The following RBM47 variants were observed in gnomAD, a reference collection of about 807,000 sequenced individuals.
The protein encoded by RBM47 is RNA-binding protein 47.
In RBM47, 21 loss-of-function variants were observed where a neutral mutation model predicts 47.1. That is an observed-to-expected ratio of 0.45 (90% CI 0.32 to 0.64). The LOEUF (loss-of-function observed/expected upper bound fraction) is 0.64, where lower values mean the gene tolerates loss of function less well. Ranked by LOEUF, RBM47 falls within the 30% of genes least tolerant of loss-of-function variation. RBM47 has a pLI of 0.05. For missense variants in RBM47, 708 were observed against 870.9 expected, an observed-to-expected ratio of 0.81 and a Z score of 2.35; for synonymous variants, 375 against 361.7, an observed-to-expected ratio of 1.04 and a Z score of -0.42.
chr4:40,594,356 CA>C (rs1734562568), intron 1 of RBM47, among the ~76,000 whole-genome samples: 1 of 152,148 alleles, frequency 6.6e-6, no homozygotes. Context: ...ACTGAGATAG[CA>C]AATCTGCAAG....
Position 40,438,671 on chromosome 4 carries a change from C to T in RBM47, c.223G>A (p.Val75Met), listed in dbSNP as rs745494783. The change falls in exon 4 of 7, where the codon GTG (valine) becomes ATG (methionine). Residue 75 changes from valine (V) to methionine (M), a missense_variant. Val to Met is a conservative substitution (Grantham distance 21). Coordinates refer to ENST00000295971, the MANE Select transcript of RBM47 (RefSeq NM_001098634.2). ...TACACGTCGCGCGGGATCTTGCCCA[C>T]GAAGACCTCGCAGCCACGCTGCGGG... ...PHPQRGCEVF[V>M]GKIPRDVYED... 2 of 1,612,104 alleles carry T rather than the reference C, an allele frequency of 1.2e-6. No individual in the cohort carries two copies. Among genetic ancestry groups the T allele is most frequent in the Admixed American group, 1.7e-5 (1 of 59,946 alleles).
chr4:40,602,645 T>TAAA (rs535210913), intron 1 of RBM47, among the ~76,000 whole-genome samples: 5 of 122,834 alleles, frequency 4.1e-5, no homozygotes, highest in African/African-American at 1.2e-4. Flanking sequence ...AGAATCCGTT[T>TAAA]AAAAAAAAAA....
chr4:40,585,369 G>A (rs1051401797), intron 1 of RBM47, among the ~76,000 whole-genome samples: 3 of 152,150 alleles, frequency 2.0e-5, no homozygotes, highest in East Asian at 3.9e-4. Flanking sequence ...CCATTTCAGA[G>A]CCCCAGAACA....
intron 1 of RBM47, among the ~76,000 whole-genome samples, chr4:40,624,897 G>A (rs1162550408): frequency 6.9e-4 from 8 of 11,586 alleles, no homozygotes; most frequent in Non-Finnish European, 1.4e-3. Context: ...TGTTGCCCAG[G>A]CTGGAGTGCA....
chr4:40,428,123 T>C (rs868243698), intron 6 of RBM47, among the ~76,000 whole-genome samples: 7 of 152,126 alleles, frequency 4.6e-5, no homozygotes, highest in Admixed American at 6.6e-5. Flanking sequence ...AGCCTGGGAA[T>C]TCAAAGCTGC....
intron 2 of RBM47, chr4:40,542,465 T>C (rs1033569702): frequency 1.3e-5 from 2 of 152,318 alleles, no homozygotes; most frequent in Non-Finnish European, 2.9e-5. Flanking sequence ...ACCTTCCCAA[T>C]AGTCACCTCC....
chr4:40,532,000 CTTTTT>C (rs914974086), intron 2 of RBM47, among the ~76,000 whole-genome samples: 1 of 146,800 alleles, frequency 6.8e-6, no homozygotes, highest in African/African-American at 2.5e-5. Flanking sequence ...CAATCTCTCT[CTTTTT>C]TTTTTATCTT....
chr4:40,599,650 C>T (rs1387495291), intron 1 of RBM47, among the ~76,000 whole-genome samples: 2 of 151,884 alleles, frequency 1.3e-5, no homozygotes, highest in East Asian at 3.9e-4. Flanking sequence ...TATGGAGAGG[C>T]CCTGAAACGT....
At chr4:40,456,147 T>G (rs1242107014) in intron 3 of RBM47, among the ~76,000 whole-genome samples, 1 of 152,234 alleles carries the variant, frequency 6.6e-6, no homozygotes, top group Non-Finnish European at 1.5e-5. Context: ...TACTTTGTAT[T>G]CCTGCACGGG....
intron 3 of RBM47, among the ~76,000 whole-genome samples, chr4:40,442,817 G>A (rs1713860943): frequency 6.6e-6 from 1 of 152,080 alleles, no homozygotes; most frequent in South Asian, 2.1e-4. Flanking sequence ...GGGACTACAG[G>A]CGCACACCAC....
intron 1 of RBM47, among the ~76,000 whole-genome samples, chr4:40,562,109 T>G (rs569500643): frequency 1.3e-5 from 2 of 152,258 alleles, no homozygotes; most frequent in African/African-American, 4.8e-5. Flanking sequence ...TACCCCCAAG[T>G]GATAATCTGC....
chr4:40,507,206 C>G (rs1724223401), intron 2 of RBM47, among the ~76,000 whole-genome samples: 2 of 152,096 alleles, frequency 1.3e-5, no homozygotes, highest in African/African-American at 2.4e-5. Flanking sequence ...ATCTGCCAGT[C>G]TCCGCCTTCC....
At chr4:40,630,642 C>G (rs1433384109), upstream of RBM47, 4 of 152,154 alleles carry the variant, frequency 2.6e-5, no homozygotes, top group Admixed American at 2.6e-4. Context: ...AACAAAAAAA[C>G]ACTGCATTTA....
At chr4:40,608,926 G>A (rs1027609293) in intron 1 of RBM47, among the ~76,000 whole-genome samples, 2 of 152,254 alleles carry the variant, frequency 1.3e-5, no homozygotes, top group African/African-American at 2.4e-5. Flanking sequence ...TTGGAAAAAC[G>A]AGATGACACG....
chr4:40,579,133 A>G (rs1732622443), intron 1 of RBM47, among the ~76,000 whole-genome samples: 1 of 147,402 alleles, frequency 6.8e-6, no homozygotes, highest in Non-Finnish European at 1.5e-5. Context: ...TAAAAAAAAA[A>G]AAAATGCAGC....
intron 1 of RBM47, among the ~76,000 whole-genome samples, chr4:40,592,347 T>C (rs1734224863): frequency 1.3e-5 from 2 of 151,456 alleles, no homozygotes; most frequent in South Asian, 2.1e-4. Context: ...CTCAAATTCC[T>C]GGACTCAGCA....
intron 1 of RBM47, among the ~76,000 whole-genome samples, chr4:40,558,617 C>T (rs1466943035): frequency 6.6e-6 from 1 of 151,314 alleles, no homozygotes; most frequent in Non-Finnish European, 1.5e-5. Context: ...AACCTGAGGT[C>T]AGGAGTTCAA....
At chr4:40,469,459 C>T (rs904567130) in intron 2 of RBM47, among the ~76,000 whole-genome samples, 4 of 137,892 alleles carry the variant, frequency 2.9e-5, no homozygotes, top group Non-Finnish European at 6.1e-5. Flanking sequence ...TTTGAGATGG[C>T]GTCTCACTCC....
chr4:40,487,894 G>A (rs1721324348), intron 2 of RBM47, among the ~76,000 whole-genome samples: 1 of 152,042 alleles, frequency 6.6e-6, no homozygotes, highest in South Asian at 2.1e-4. Context: ...CCTATGTATA[G>A]CCTAGTATTT....
Sources: allele counts gnomAD v4.1 joint callset (sites outside exome capture counted in the v4.1 genomes callset), GRCh38; gene constraint gnomAD v4.1.1; transcripts MANE v1.5; gene names NCBI Gene and HGNC (gene_info 2026-07-23, HGNC 2026-07-21).